Variants in KLF12 observed in about 807,000 individuals in gnomAD.
KLF12 encodes KLF transcription factor 12, also known as Krueppel-like factor 12.
A neutral mutation model predicts 37.8 loss-of-function variants in KLF12; 9 were observed. The ratio of observed to expected loss-of-function variants is 0.24; its 90% CI spans 0.14 to 0.42. The LOEUF is 0.42. KLF12 is among the 10% of genes least tolerant of loss of function. The pLI is 1.00. For synonymous variants in KLF12, 208 were observed against 202.1 expected (o/e 1.03, Z -0.25); for missense variants, 411 against 516.0 (o/e 0.80, Z 1.97).
chr13:73,955,560 C>A (rs1184251557), intron 2 of KLF12, among the ~76,000 whole-genome samples: 1 of 152,196 alleles, frequency 6.6e-6, no homozygotes. Flanking sequence ...TTTCTGACTA[C>A]TAAAGACAAC....
At chr13:73,995,122 GA>G (rs1156486171) in intron 1 of KLF12, 69 bp from the exon 2 acceptor site, 44 of 979,882 alleles carry the variant, frequency 4.5e-5, no homozygotes, top group Non-Finnish European at 6.1e-5. Context: ...CTCCTTTGGG[GA>G]AAAAAATACA....
intron 7 of KLF12, among the ~76,000 whole-genome samples, chr13:73,708,253 T>C (rs1164891744): frequency 6.6e-6 from 1 of 152,196 alleles, no homozygotes; most frequent in Admixed American, 6.5e-5. Flanking sequence ...ATGGCTTTCA[T>C]ATGAATTAAA....
At chr13:73,925,391 G>C (rs1889326144) in intron 3 of KLF12, among the ~76,000 whole-genome samples, 1 of 152,128 alleles carries the variant, frequency 6.6e-6, no homozygotes, top group East Asian at 1.9e-4. Context: ...GTCTGCTCTA[G>C]AAATGGAACA....
At chr13:73,935,153 T>C (rs1377838324) in intron 3 of KLF12, among the ~76,000 whole-genome samples, 1 of 151,640 alleles carries the variant, frequency 6.6e-6, no homozygotes, top group Non-Finnish European at 1.5e-5. Flanking sequence ...CTAATTTTTG[T>C]ATTTTTTTAT....
At position 73,975,887 on chromosome 13, in the gene KLF12, C is replaced by T. The variant is rs529330704; in HGVS notation, c.33+19103G>A. Among the ~76,000 whole-genome samples, 3 of 152,284 alleles carry T rather than the reference C, an allele frequency of 2.0e-5. No homozygotes were observed. In the South Asian group the frequency reaches 6.2e-4, roughly 32 times the overall value. ...AAAAATCTTCACAATAGAACCCCAA[C>T]CCCAACCAAATTTAGGTTGGGCGAT... is the stretch of plus-strand genomic sequence containing the variant. On this transcript the variant is annotated intron_variant, in intron 2 of 7. Transcript: ENST00000377669.
intron 1 of KLF12, among the ~76,000 whole-genome samples, chr13:74,017,258 TAAAAAAAA>T (rs56321692): frequency 2.6e-4 from 12 of 45,608 alleles, no homozygotes; most frequent in South Asian, 1.5e-3. Context: ...GCCCTCAACC[TAAAAAAAA>T]AAAAAAAAAA....
rs148267352 is a variant in KLF12, at chr13:73,772,919, G to T, written c.807-7919C>A. Among the ~76,000 whole-genome samples, 71 of 152,238 alleles carry T rather than the reference G, an allele frequency of 4.7e-4. No individual in the cohort carries two copies. The East Asian group carries it at 0.013, about 27-fold the overall frequency. On this transcript the variant is annotated intron_variant, in intron 5 of 7. Transcript: ENST00000377669. ...AGAAGAAGATGGACACAGATTAGGC[G>T]TATCTGCAGGATCTGGTCTAAGTAC...
At chr13:73,730,814 G>T (rs1877004158) in intron 6 of KLF12, among the ~76,000 whole-genome samples, 1 of 152,114 alleles carries the variant, frequency 6.6e-6, no homozygotes, top group South Asian at 2.1e-4. Flanking sequence ...TAATGGGTGG[G>T]TGGGCAGAAG....
At chr13:73,982,063 A>ATAACT (rs10658357) in intron 2 of KLF12, among the ~76,000 whole-genome samples, 129,175 of 151,898 alleles carry the variant, frequency 0.85, 55,195 homozygotes, top group Middle Eastern at 0.91. Flanking sequence ...CAAATACTTA[A>ATAACT]TAAATTATCT....
chr13:73,837,010 C>T (rs1378358907), intron 4 of KLF12, among the ~76,000 whole-genome samples: 1 of 152,138 alleles, frequency 6.6e-6, no homozygotes, highest in Non-Finnish European at 1.5e-5. Flanking sequence ...TTTTAAACAT[C>T]TTCTTGCTTT....
the KLF12 span, among the ~76,000 whole-genome samples, chr13:74,282,858 C>A: frequency 6.6e-6 from 1 of 152,014 alleles, no homozygotes; most frequent in Non-Finnish European, 1.5e-5. Flanking sequence ...TCTCAGTTTC[C>A]CCCCCTGGTT....
Position 73,934,950 on chromosome 13 carries a change from A to ATTATTTATTTATTTAT in KLF12, c.123+9015_123+9030dup, listed in dbSNP as rs146314583. The stretch of plus-strand genomic sequence containing the variant: ...TGTGCTTTATTTTGGATAGGTTTTT[A>ATTATTTATTTATTTAT]TTATTTATTTATTTATTTATTTATT... On this transcript the variant is annotated intron_variant, in intron 3 of 7. Coordinates refer to ENST00000377669, the MANE Select transcript of KLF12 (RefSeq NM_007249.5). Among the ~76,000 whole-genome samples, 71 of 139,656 alleles carry ATTATTTATTTATTTAT rather than the reference A, an allele frequency of 5.1e-4. 1 individual carries two copies. The highest frequency in any genetic ancestry group is 7.1e-4 in the Non-Finnish European group (46 of 65,208). The allele number at this position is 139,656 out of a possible 152,430, so 91.6% of individuals were successfully genotyped here. A position where few individuals can be genotyped will look rare whatever the true frequency, so the allele number is the denominator to read the frequency against.
chr13:74,028,280 G>A (rs375953390), intron 1 of KLF12, among the ~76,000 whole-genome samples: 28 of 152,284 alleles, frequency 1.8e-4, no homozygotes, highest in African/African-American at 6.3e-4. Flanking sequence ...AATTTATTAC[G>A]AGGAAATAGC....
chr13:73,905,742 A>T (rs1438388604), intron 3 of KLF12, among the ~76,000 whole-genome samples: 2 of 149,716 alleles, frequency 1.3e-5, no homozygotes, highest in Non-Finnish European at 3.0e-5. Context: ...TGTGCAATAC[A>T]TTTTTTTTTC....
chr13:73,809,969 G>C (rs1882840929), intron 5 of KLF12, among the ~76,000 whole-genome samples: 1 of 152,076 alleles, frequency 6.6e-6, no homozygotes, highest in African/African-American at 2.4e-5. Flanking sequence ...GTGTAGGCTG[G>C]GCGCGGTGGC....
At chr13:73,877,023 A>AC (rs1284536670) in intron 3 of KLF12, among the ~76,000 whole-genome samples, 1 of 152,090 alleles carries the variant, frequency 6.6e-6, no homozygotes, top group East Asian at 1.9e-4. Context: ...AAAAAAAAAA[A>AC]AAAGAAAAGA....
intron 6 of KLF12, among the ~76,000 whole-genome samples, chr13:73,742,461 G>T (rs1432218920): frequency 6.6e-6 from 1 of 152,124 alleles, no homozygotes; most frequent in East Asian, 1.9e-4. Context: ...ATATTTAACA[G>T]TTATAGAGCA....
At chr13:74,194,279 T>G in the KLF12 span, among the ~76,000 whole-genome samples, 1 of 152,334 alleles carries the variant, frequency 6.6e-6, no homozygotes, top group East Asian at 1.9e-4. Flanking sequence ...GAAATGTTAT[T>G]GAAGAATTTC....
At chr13:73,795,251 C>T (rs768535312) in intron 5 of KLF12, among the ~76,000 whole-genome samples, 2 of 152,120 alleles carry the variant, frequency 1.3e-5, no homozygotes, top group African/African-American at 2.4e-5. Context: ...GTAAGCTTCT[C>T]CCATGAAAGA....
Sources: gnomAD v4.1 joint callset for allele counts (sites outside exome capture counted in the v4.1 genomes callset) on GRCh38, gnomAD v4.1.1 for gene constraint, MANE v1.5 for transcripts, NCBI Gene and HGNC (gene_info 2026-07-23, HGNC 2026-07-21) for gene names.